The following RTN1 variants were observed in gnomAD, a reference collection of about 807,000 sequenced individuals.
RTN1 encodes the protein reticulon-1.
A neutral mutation model predicts 65.5 loss-of-function variants in RTN1; 25 were observed. The observed-to-expected ratio is 0.38, with a 90% CI of 0.28 to 0.53. RTN1 has a LOEUF of 0.53. Ranked by LOEUF, RTN1 falls within the 20% of genes least tolerant of loss-of-function variation. The pLI is 0.79. For synonymous variants in RTN1, 471 were observed against 447.6 expected (o/e 1.05, Z -0.66); for missense variants, 983 against 1,025.4 (o/e 0.96, Z 0.57).
In RTN1 at chr14:59,745,785, T is replaced by C; in HGVS notation, c.938A>G (p.Asp313Gly). The stretch of plus-strand genomic sequence containing the variant: ...CGAGACAGTGACAGTGGGGACTGTG[T>C]CAGGACTTGGCTTTAGACATATATC... ...KQDICLKPSPDTVPTVTVSEP... is the reference protein window; with the variant it reads ...KQDICLKPSPGTVPTVTVSEP... Residue 313 changes from aspartate (D) to glycine (G), a missense_variant, in exon 2 of 9, where the codon GAC (aspartate) becomes GGC (glycine). Coordinates refer to ENST00000267484, the MANE Select transcript of RTN1 (RefSeq NM_021136.3). The C allele has an allele frequency of 6.2e-7, 1 of 1,614,042 alleles. No homozygotes were observed. Among genetic ancestry groups the C allele is most frequent in the East Asian group, 2.2e-5 (1 of 44,866 alleles).
intron 1 of RTN1, among the ~76,000 whole-genome samples, chr14:59,748,210 G>GTTGTT (rs1555358549): frequency 7.9e-6 from 1 of 125,988 alleles, no homozygotes; most frequent in Non-Finnish European, 1.6e-5. Flanking sequence ...AGTCTGTGAG[G>GTTGTT]TTTTTTTTTT....
intron 3 of RTN1, among the ~76,000 whole-genome samples, chr14:59,722,730 AC>A (rs907898308): frequency 2.6e-5 from 4 of 152,016 alleles, no homozygotes; most frequent in African/African-American, 9.7e-5. Context: ...TAAAAAAAAA[AC>A]AATACAAAGG....
intron 3 of RTN1, among the ~76,000 whole-genome samples, chr14:59,663,723 A>G (rs1289114325): frequency 2.0e-5 from 3 of 152,248 alleles, no homozygotes; most frequent in African/African-American, 7.2e-5. Context: ...AACATATGAA[A>G]AAAAGCTCAG....
chr14:59,794,027 A>C lies in RTN1; in HGVS notation c.242-47546T>G, dbSNP rs1886398194. On this transcript the variant is annotated intron_variant, in intron 1 of 8. Coordinates refer to ENST00000267484, the MANE Select transcript of RTN1 (RefSeq NM_021136.3). The surrounding 1 kb of genome is among the most constrained non-coding windows in gnomAD (Gnocchi z 5.1). ...CACCCATTACACTCCTCTCCCACTG[A>C]GTACCGGCCATGAATCTTGAGTTAG... Among the ~76,000 whole-genome samples, 1 of 152,118 alleles carries C rather than the reference A, an allele frequency of 6.6e-6. No homozygotes were observed. The highest frequency in any genetic ancestry group is 2.1e-4 in the South Asian group (1 of 4,834).
intron 3 of RTN1, among the ~76,000 whole-genome samples, chr14:59,656,418 G>A (rs1388171961): frequency 6.6e-6 from 1 of 152,246 alleles, no homozygotes; most frequent in Non-Finnish European, 1.5e-5. Flanking sequence ...TCCTCCTCCA[G>A]GTGGCTGCAG....
At chr14:59,658,962 A>C (rs1485784847) in intron 3 of RTN1, among the ~76,000 whole-genome samples, 2 of 152,168 alleles carry the variant, frequency 1.3e-5, no homozygotes, top group Admixed American at 6.5e-5. Flanking sequence ...GTTCTAACCC[A>C]ATGCAAGGAA....
chr14:59,681,260 T>A (rs1413759498), intron 3 of RTN1, among the ~76,000 whole-genome samples: 1 of 152,174 alleles, frequency 6.6e-6, no homozygotes, highest in Non-Finnish European at 1.5e-5. Flanking sequence ...AATTTAGACA[T>A]ATGAACATAT....
At chr14:59,866,681 C>G (rs1166076291) in intron 1 of RTN1, among the ~76,000 whole-genome samples, 1 of 152,102 alleles carries the variant, frequency 6.6e-6, no homozygotes, top group Non-Finnish European at 1.5e-5. Context: ...TTTTATTCAT[C>G]TTATATGTTT....
At chr14:59,606,727 C>T (rs1448256429) in intron 4 of RTN1, among the ~76,000 whole-genome samples, 5 of 152,180 alleles carry the variant, frequency 3.3e-5, no homozygotes, top group African/African-American at 1.2e-4. Flanking sequence ...TTTTGTATTT[C>T]CTCCTCTTCA....
chr14:59,824,279 C>A (rs1886992864), intron 1 of RTN1, among the ~76,000 whole-genome samples: 1 of 152,130 alleles, frequency 6.6e-6, no homozygotes, highest in South Asian at 2.1e-4. Context: ...AAAATATTTT[C>A]TCTCATTCTA....
chr14:59,670,896 C>A (rs1883488022), intron 3 of RTN1, among the ~76,000 whole-genome samples: 1 of 152,186 alleles, frequency 6.6e-6, no homozygotes, highest in Non-Finnish European at 1.5e-5. Flanking sequence ...TCTTTGAAAG[C>A]AATTCCCATT....
intron 8 of RTN1, among the ~76,000 whole-genome samples, chr14:59,599,957 G>T (rs771154561): frequency 1.3e-5 from 2 of 152,064 alleles, no homozygotes; most frequent in Non-Finnish European, 2.9e-5. Flanking sequence ...TAGACATAGG[G>T]AATTGTATTC....
chr14:59,836,094 A>C lies in RTN1; in HGVS notation c.241+34296T>G, dbSNP rs1887208678. ...ACTCTGACTCTGCTTCTTCCCTCTT[A>C]GAAGGACCCTCGTGATTGCACTGGG... On this transcript the variant is annotated intron_variant, in intron 1 of 8. Coordinates refer to ENST00000267484, the MANE Select transcript of RTN1 (RefSeq NM_021136.3). This position sits in a 1 kb window ranked among gnomAD's most constrained non-coding sequence, Gnocchi z 4.9. 6.6e-6 allele frequency among the ~76,000 whole-genome samples: 1 copy of C among 152,174 alleles called. No homozygotes were observed. Among genetic ancestry groups the C allele is most frequent in the Non-Finnish European group, 1.5e-5 (1 of 68,032 alleles).
Position 59,642,986 on chromosome 14 carries a change from T to C in RTN1, c.1766-35494A>G, listed in dbSNP as rs75971947. Among the ~76,000 whole-genome samples, 936 of 152,338 alleles carry C rather than the reference T, an allele frequency of 6.1e-3. 21 individuals carry two copies. Among genetic ancestry groups the C allele is most frequent in the Admixed American group, 0.045 (686 of 15,306 alleles). On this transcript the variant is annotated intron_variant, in intron 3 of 8. Coordinates refer to ENST00000267484, the MANE Select transcript of RTN1 (RefSeq NM_021136.3). ...GGAATTGATAAATTCCCATCAGAAA[T>C]TAAGCTGAGTTATGGTGGGTTGCAG... is the stretch of plus-strand genomic sequence containing the variant.
At chr14:59,856,124 A>G (rs966549050) in intron 1 of RTN1, among the ~76,000 whole-genome samples, 1 of 152,054 alleles carries the variant, frequency 6.6e-6, no homozygotes. Flanking sequence ...GTGTCCTTCC[A>G]CAGGTCCCAT....
At chr14:59,667,310 C>T (rs1883401180) in intron 3 of RTN1, among the ~76,000 whole-genome samples, 1 of 152,090 alleles carries the variant, frequency 6.6e-6, no homozygotes, top group African/African-American at 2.4e-5. Flanking sequence ...TCAACATATG[C>T]AAATCAATAA....
intron 4 of RTN1, chr14:59,605,886 A>G (rs568982143): frequency 6.3e-6 from 1 of 158,804 alleles, no homozygotes; most frequent in Non-Finnish European, 1.4e-5. Context: ...TAGTTGAGAT[A>G]GCTCAAAATC....
chr14:59,703,458 C>A (rs1207255223), intron 3 of RTN1, among the ~76,000 whole-genome samples: 1 of 152,164 alleles, frequency 6.6e-6, no homozygotes, highest in Non-Finnish European at 1.5e-5. Context: ...TTTGACATGG[C>A]TGCCGTCCTT....
intron 1 of RTN1, among the ~76,000 whole-genome samples, chr14:59,863,098 C>T (rs1887737968): frequency 6.6e-6 from 1 of 152,118 alleles, no homozygotes; most frequent in South Asian, 2.1e-4. Context: ...CTTACTCATT[C>T]AGAGACACAG....
Sources: allele counts gnomAD v4.1 joint callset (sites outside exome capture counted in the v4.1 genomes callset), GRCh38; gene constraint gnomAD v4.1.1; non-coding constraint Gnocchi (gnomAD v3.1); transcripts MANE v1.5; gene names NCBI Gene and HGNC (gene_info 2026-07-23, HGNC 2026-07-21).